HNRNPM: variants seen among roughly 807,000 people sequenced by gnomAD.
The protein encoded by HNRNPM is CEA receptor.
HNRNPM carries 11 observed loss-of-function variants against 73.1 expected under a neutral mutation model. The ratio of observed to expected loss-of-function variants is 0.15; its 90% CI spans 0.09 to 0.25. HNRNPM has a LOEUF of 0.25. Among genes scored for constraint, HNRNPM ranks in the 10% least tolerant of loss-of-function variants. HNRNPM has a pLI of 1.00. For missense variants in HNRNPM, 789 were observed against 1,067.9 expected, an observed-to-expected ratio of 0.74 and a Z score of 3.64; for synonymous variants, 407 against 355.2, an observed-to-expected ratio of 1.15 and a Z score of -1.64.
chr19:8,449,954 G>A (rs1968489202), intron 1 of HNRNPM, among the ~76,000 whole-genome samples: 1 of 152,176 alleles, frequency 6.6e-6, no homozygotes, highest in Admixed American at 6.6e-5. Flanking sequence ...TAGATGAGCT[G>A]CTTTTTGTTT....
At chr19:8,450,289 T>TTG (rs1365891387) in intron 1 of HNRNPM, among the ~76,000 whole-genome samples, 1 of 152,192 alleles carries the variant, frequency 6.6e-6, no homozygotes, top group African/African-American at 2.4e-5. Flanking sequence ...ACCCTTTCCT[T>TTG]GATTAGAAAC....
intron 12 of HNRNPM, among the ~76,000 whole-genome samples, chr19:8,474,824 C>T (rs1970392647): frequency 6.6e-6 from 1 of 151,702 alleles, no homozygotes; most frequent in Admixed American, 6.6e-5. Context: ...AAGTGATTCT[C>T]CTGCCCCAGC....
intron 9 of HNRNPM, among the ~76,000 whole-genome samples, chr19:8,469,444 G>C (rs935597992): frequency 2.0e-5 from 3 of 152,146 alleles, no homozygotes; most frequent in African/African-American, 7.2e-5. Context: ...GCATATCTCT[G>C]AATATACTAA....
In HNRNPM at chr19:8,485,489, T is replaced by G. The variant is rs115590551; in HGVS notation, c.1175-114T>G. The G allele has an allele frequency of 1.0e-3, 1,108 of 1,059,754 alleles. 6 individuals carry two copies. The African/African-American group carries it at 0.016, about 15-fold the overall frequency. 65.6% of individuals were successfully genotyped at this position (1,059,754 alleles called of 1,614,324 possible). On this transcript the variant is annotated intron_variant, in intron 13 of 15. Coordinates refer to ENST00000325495, the MANE Select transcript of HNRNPM (RefSeq NM_005968.5). ...ATTTGAGGGGTGTCTTAATGGTAAATTATGGTGGGCCTTTACCCCTGATCC... is the reference window on the plus strand; with the variant it reads ...ATTTGAGGGGTGTCTTAATGGTAAAGTATGGTGGGCCTTTACCCCTGATCC...
Position 8,486,289 on chromosome 19 carries a change from C to T in HNRNPM, c.1861C>T (p.Arg621Cys), listed in dbSNP as rs761233121. ...MGGGGGASFD[R>C]AIEMERGNFG... is the part of the protein sequence containing the mutation. ...TGGCGGTGGCGGTGCCAGCTTTGAC[C>T]GTGCCATCGAGATGGAGCGTGGCAA... Residue 621 changes from arginine to cysteine, a missense_variant, in exon 14 of 16, where the codon CGT (arginine) becomes TGT (cysteine). Arg to Cys is a radical substitution (Grantham distance 180, BLOSUM62 -3). Transcript: ENST00000325495. The T allele has an allele frequency of 1.9e-6, 3 of 1,600,962 alleles. No homozygotes were observed. Among genetic ancestry groups the T allele is most frequent in the East Asian group, 2.2e-5 (1 of 44,882 alleles).
intron 1 of HNRNPM, among the ~76,000 whole-genome samples, chr19:8,448,428 A>T (rs1294803096): frequency 6.6e-6 from 1 of 151,990 alleles, no homozygotes; most frequent in Non-Finnish European, 1.5e-5. Flanking sequence ...TAAATGTAGT[A>T]TCATATATAA....
intron 2 of HNRNPM, among the ~76,000 whole-genome samples, chr19:8,457,300 G>A (rs1969090859): frequency 6.6e-6 from 1 of 152,172 alleles, no homozygotes; most frequent in Admixed American, 6.5e-5. Flanking sequence ...CAGCAGCCAT[G>A]GTGTTTCTGG....
At chr19:8,465,982 TATTA>T (rs1969716971) in intron 6 of HNRNPM, among the ~76,000 whole-genome samples, 2 of 151,994 alleles carry the variant, frequency 1.3e-5, no homozygotes, top group Admixed American at 6.6e-5. Context: ...AGAAAATGAG[TATTA>T]ATTTGAAGTA....
chr19:8,481,788 T>C (rs1048947545), intron 12 of HNRNPM, among the ~76,000 whole-genome samples: 6 of 152,076 alleles, frequency 3.9e-5, no homozygotes, highest in Non-Finnish European at 7.4e-5. Flanking sequence ...AAAGCCAGCC[T>C]CGGCTCAGGC....
chr19:8,447,807 A>T lies in HNRNPM; in HGVS notation c.113+2696A>T, dbSNP rs538920823. On this transcript the variant is annotated intron_variant, in intron 1 of 15. Transcript: ENST00000325495. ...TTTGGGAGGCCGAGGCGGGCAGATC[A>T]CGAGGTCAGGAGATAGAGACCATCC... 4.9e-4 allele frequency among the ~76,000 whole-genome samples: 74 copies of T among 152,286 alleles called. 1 individual carries two copies. Among genetic ancestry groups the T allele is most frequent in the Admixed American group, 4.8e-3 (73 of 15,292 alleles).
At chr19:8,486,956 C>A in intron 14 of HNRNPM, 68 bp from the exon 15 acceptor site, 2 of 1,256,108 alleles carry the variant, frequency 1.6e-6, no homozygotes, top group Non-Finnish European at 2.3e-6. Context: ...CCCTCAGAGC[C>A]AGCTGCAAGG....
At chr19:8,463,725 T>G (rs764376115) in intron 5 of HNRNPM, 39 bp downstream of exon 5, 4 of 1,332,738 alleles carry the variant, frequency 3.0e-6, no homozygotes, top group African/African-American at 2.9e-5. Context: ...TGTGTGTAAT[T>G]GTTGAGTGAT....
chr19:8,448,165 C>T (rs2145602103), intron 1 of HNRNPM, among the ~76,000 whole-genome samples: 1 of 152,238 alleles, frequency 6.6e-6, no homozygotes, highest in Non-Finnish European at 1.5e-5. Flanking sequence ...AAACTTGGTT[C>T]TTTGGAATTC....
chr19:8,464,536 G>T lies in HNRNPM; in HGVS notation c.439-788G>T, dbSNP rs534377493. On this transcript the variant is annotated intron_variant, in intron 5 of 15. Transcript: ENST00000325495. ...TAATCCATCTACTCGGGAGGCTGAG[G>T]CAGGAGAATCGCTGGAACCCAGGAG... Among the ~76,000 whole-genome samples the T allele has an allele frequency of 2.6e-5, 4 of 152,194 alleles. No homozygotes were observed. The South Asian group carries it at 8.3e-4, about 32-fold the overall frequency.
At chr19:8,456,556 G>T (rs1283233962) in intron 2 of HNRNPM, among the ~76,000 whole-genome samples, 2 of 152,236 alleles carry the variant, frequency 1.3e-5, no homozygotes, top group Non-Finnish European at 2.9e-5. Context: ...CATTCATTAT[G>T]AAAAGAGATG....
intron 12 of HNRNPM, among the ~76,000 whole-genome samples, chr19:8,480,431 G>C (rs1023837959): frequency 6.6e-6 from 1 of 150,586 alleles, no homozygotes; most frequent in Non-Finnish European, 1.5e-5. Flanking sequence ...ATGGCATGTG[G>C]CTGGGCAGGT....
intron 2 of HNRNPM, chr19:8,461,967 C>G (rs1969429837): frequency 6.6e-6 from 1 of 152,576 alleles, no homozygotes. Context: ...GCAGCGATAA[C>G]AGCATTAAAC....
chr19:8,485,597 T>C lies in HNRNPM; in HGVS notation c.1175-6T>C, dbSNP rs748483787. On this transcript the variant is annotated splice_polypyrimidine_tract_variant and splice_region_variant and intron_variant, in intron 13 of 15. Coordinates refer to ENST00000325495, the MANE Select transcript of HNRNPM (RefSeq NM_005968.5). ...CACCCACCTGTGTTTTGTGTCCCTGTTTCAGGTGGAGGTGGAGGAAGCGTC... is the reference window on the plus strand; with the variant it reads ...CACCCACCTGTGTTTTGTGTCCCTGCTTCAGGTGGAGGTGGAGGAAGCGTC... 11 of 1,595,472 alleles carry C rather than the reference T, an allele frequency of 6.9e-6. No homozygotes were observed. The South Asian group carries it at 9.9e-5, about 14-fold the overall frequency.
intron 9 of HNRNPM, among the ~76,000 whole-genome samples, chr19:8,469,523 G>A (rs568470668): frequency 7.2e-5 from 11 of 152,340 alleles, no homozygotes; most frequent in Admixed American, 2.0e-4. Flanking sequence ...ATGCAGAGGG[G>A]AAAGGGATCA....
Sources: allele counts gnomAD v4.1 joint callset (sites outside exome capture counted in the v4.1 genomes callset), GRCh38; gene constraint gnomAD v4.1.1; transcripts MANE v1.5; gene names NCBI Gene and HGNC (gene_info 2026-07-23, HGNC 2026-07-21).